The following CTNNA2 variants were observed in gnomAD, a reference collection of about 807,000 sequenced individuals.
CTNNA2 encodes the protein catenin alpha 2, also known as catenin alpha-2.
CTNNA2 carries 42 observed loss-of-function variants against 101.0 expected under a neutral mutation model. The ratio of observed to expected loss-of-function variants is 0.42; its 90% CI spans 0.32 to 0.54. CTNNA2 has a LOEUF of 0.54. CTNNA2 is among the 20% of genes least tolerant of loss of function. CTNNA2 has a pLI of 0.14. For missense variants in CTNNA2, 871 were observed against 1,223.1 expected (o/e 0.71, Z 4.29); for synonymous variants, 450 against 456.4 (o/e 0.99, Z 0.18).
intron 2 of CTNNA2, among the ~76,000 whole-genome samples, chr2:79,688,723 A>G (rs1319137741): frequency 6.6e-6 from 1 of 152,132 alleles, no homozygotes; most frequent in East Asian, 1.9e-4. Flanking sequence ...TTCCAATTAA[A>G]GCAATGACTG....
At chr2:80,333,798 A>G (rs903261152) in intron 7 of CTNNA2, among the ~76,000 whole-genome samples, 6 of 152,004 alleles carry the variant, frequency 3.9e-5, no homozygotes, top group African/African-American at 7.3e-5. Flanking sequence ...TAATTTTTGT[A>G]TTTTTACTAG....
At chr2:79,457,507 G>A (rs1052528491) in intron 4 of CTNNA2, among the ~76,000 whole-genome samples, 1 of 152,090 alleles carries the variant, frequency 6.6e-6, no homozygotes, top group African/African-American at 2.4e-5. Flanking sequence ...GAAATAAAAT[G>A]TTAATTCCAT....
At chr2:79,651,332 C>T (rs570830225) in intron 1 of CTNNA2, among the ~76,000 whole-genome samples, 1 of 152,206 alleles carries the variant, frequency 6.6e-6, no homozygotes, top group East Asian at 1.9e-4. Context: ...GCCTAAGGTA[C>T]ACCAGTATGC....
In CTNNA2 at chr2:80,073,730, TCACACACACA is replaced by T. The variant is rs3067109; in HGVS notation, c.1056+163965_1056+163974del. 2.6e-3 allele frequency among the ~76,000 whole-genome samples: 344 copies of T among 130,502 alleles called. 1 individual carries two copies. The highest frequency in any genetic ancestry group is 7.9e-3 in the African/African-American group (294 of 37,016). The allele number at this position is 130,502 out of a possible 152,430, so 85.6% of individuals were successfully genotyped here. ...TAAAACAAACCTCTCTCTCTCTCTGTCACACACACACACACACACACACACACACACACAC... is the reference window on the plus strand; with the variant it reads ...TAAAACAAACCTCTCTCTCTCTCTGTCACACACACACACACACACACACAC... On this transcript the variant is annotated intron_variant, in intron 7 of 18. Coordinates refer to ENST00000402739, the MANE Select transcript of CTNNA2 (RefSeq NM_001282597.3).
At chr2:79,949,494 G>A (rs574385442) in intron 7 of CTNNA2, among the ~76,000 whole-genome samples, 4 of 152,124 alleles carry the variant, frequency 2.6e-5, no homozygotes, top group South Asian at 2.1e-4. Flanking sequence ...GATGCCTGGC[G>A]AAGTGGCTCA....
At chr2:80,046,064 A>G (rs912915089) in intron 7 of CTNNA2, among the ~76,000 whole-genome samples, 3 of 152,248 alleles carry the variant, frequency 2.0e-5, no homozygotes, top group African/African-American at 7.2e-5. Flanking sequence ...TCCCCAAGGC[A>G]GCAAGTAGAA....
intron 5 of CTNNA2, among the ~76,000 whole-genome samples, chr2:79,506,634 T>C (rs561023111): frequency 6.6e-6 from 1 of 152,342 alleles, no homozygotes; most frequent in East Asian, 1.9e-4. Flanking sequence ...GAAAAGCTAA[T>C]GTGTAGAAAC....
chr2:80,636,903 C>T (rs1040086997), intron 18 of CTNNA2, among the ~76,000 whole-genome samples: 1 of 152,060 alleles, frequency 6.6e-6, no homozygotes, highest in Admixed American at 6.6e-5. Context: ...CTTGACTACC[C>T]CTTTATTCCA....
intron 4 of CTNNA2, among the ~76,000 whole-genome samples, chr2:79,457,779 G>C (rs1670841455): frequency 6.6e-6 from 1 of 152,190 alleles, no homozygotes; most frequent in Non-Finnish European, 1.5e-5. Flanking sequence ...AATTGACAAT[G>C]TTAAAGTAAA....
At chr2:80,444,511 T>C (rs765142350) in intron 9 of CTNNA2, among the ~76,000 whole-genome samples, 5 of 152,180 alleles carry the variant, frequency 3.3e-5, no homozygotes, top group Non-Finnish European at 7.3e-5. Context: ...CCCTTTCTCC[T>C]GGGGACTGTC....
chr2:80,529,996 G>A (rs1558553497), intron 9 of CTNNA2, among the ~76,000 whole-genome samples: 1 of 152,094 alleles, frequency 6.6e-6, no homozygotes, highest in East Asian at 1.9e-4. Context: ...ACTTCTGAAA[G>A]TGCAGCTGCG....
chr2:80,425,281 CT>C (rs1245518943), intron 9 of CTNNA2, among the ~76,000 whole-genome samples: 1 of 152,186 alleles, frequency 6.6e-6, no homozygotes. Context: ...GCGCAAATTC[CT>C]GAGAGGGCTC....
intron 7 of CTNNA2, among the ~76,000 whole-genome samples, chr2:80,275,104 GT>G (rs1287935341): frequency 1.3e-5 from 2 of 152,098 alleles, no homozygotes; most frequent in Non-Finnish European, 2.9e-5. Flanking sequence ...GGAGATATTG[GT>G]TTTGTTTTTC....
chr2:79,702,572 T>C (rs1685085063), intron 2 of CTNNA2, among the ~76,000 whole-genome samples: 1 of 152,158 alleles, frequency 6.6e-6, no homozygotes, highest in Non-Finnish European at 1.5e-5. Flanking sequence ...TGAAAGGCAA[T>C]GGGGAGTAAC....
At chr2:80,481,132 A>G (rs1034624567) in intron 9 of CTNNA2, among the ~76,000 whole-genome samples, 1 of 152,140 alleles carries the variant, frequency 6.6e-6, no homozygotes, top group Non-Finnish European at 1.5e-5. Context: ...ATGCCAAATT[A>G]TATGCCAGAA....
chr2:79,218,551 G>C (rs917051570), intron 2 of CTNNA2, among the ~76,000 whole-genome samples: 7 of 152,110 alleles, frequency 4.6e-5, no homozygotes, highest in Admixed American at 4.6e-4. Context: ...TAGGGACTCG[G>C]AAGAGACTCT....
At chr2:79,463,146 T>C (rs935175632) in intron 4 of CTNNA2, among the ~76,000 whole-genome samples, 1 of 152,174 alleles carries the variant, frequency 6.6e-6, no homozygotes, top group African/African-American at 2.4e-5. Flanking sequence ...GCGCAGTGGC[T>C]CATGCCTGTA....
At position 80,242,619 on chromosome 2, in the gene CTNNA2, C is replaced by T. The variant is rs147380034; in HGVS notation, c.1057-150592C>T. Among the ~76,000 whole-genome samples the T allele has an allele frequency of 5.1e-4, 78 of 152,254 alleles. 2 individuals are homozygous for T. The highest frequency in any genetic ancestry group is 1.5e-3 in the African/African-American group (63 of 41,546). Reference sequence around the variant, plus strand: ...AGCCTCCTGTGATCTTTCCATTTTGCGCTGCAGCAGGAAACGTTTACATCT... The same window carrying T: ...AGCCTCCTGTGATCTTTCCATTTTGTGCTGCAGCAGGAAACGTTTACATCT... On this transcript the variant is annotated intron_variant, in intron 7 of 18. Coordinates refer to ENST00000402739, the MANE Select transcript of CTNNA2 (RefSeq NM_001282597.3).
chr2:79,535,605 T>A (rs1673008839), intron 1 of CTNNA2, among the ~76,000 whole-genome samples: 1 of 152,154 alleles, frequency 6.6e-6, no homozygotes, highest in African/African-American at 2.4e-5. Context: ...AAATCATTTA[T>A]TCTTATATTT....
Sources: gnomAD v4.1 joint callset for allele counts (sites outside exome capture counted in the v4.1 genomes callset) on GRCh38, gnomAD v4.1.1 for gene constraint, MANE v1.5 for transcripts, NCBI Gene and HGNC (gene_info 2026-07-23, HGNC 2026-07-21) for gene names.